CRY1: variants seen among roughly 807,000 people sequenced by gnomAD.
CRY1 encodes the protein cryptochrome circadian regulator 1, also known as cryptochrome-1.
CRY1 carries 45 observed loss-of-function variants against 76.0 expected under a neutral mutation model. That is an observed-to-expected ratio of 0.59 (90% confidence interval 0.47 to 0.76). The LOEUF is 0.76. Ranked by LOEUF, CRY1 falls within the 30% of genes least tolerant of loss-of-function variation. The pLI, the probability that CRY1 is intolerant of heterozygous loss-of-function variation, is 0.00. For synonymous variants in CRY1, 248 were observed against 244.0 expected, an observed-to-expected ratio of 1.02 and a Z score of -0.15; for missense variants, 587 against 716.4, an observed-to-expected ratio of 0.82 and a Z score of 2.06.
Position 107,000,491 on chromosome 12 carries a change from A to G in CRY1, c.685-409T>C, listed in dbSNP as rs547142966. ...CAGCCTCCTGAGTAGCTGCGACTACAGGCATGCGCCACCACGCCCGGCTAA... is the reference window on the plus strand; with the variant it reads ...CAGCCTCCTGAGTAGCTGCGACTACGGGCATGCGCCACCACGCCCGGCTAA... On this transcript the variant is annotated intron_variant, in intron 5 of 12. Transcript: ENST00000008527. Among the ~76,000 whole-genome samples, 25 of 152,132 alleles carry G rather than the reference A, an allele frequency of 1.6e-4. 1 individual carries two copies. Among genetic ancestry groups the G allele is most frequent in the African/African-American group, 6.0e-4 (25 of 41,504 alleles).
intron 10 of CRY1, among the ~76,000 whole-genome samples, chr12:106,994,656 A>G (rs1007326734): frequency 5.9e-5 from 9 of 152,248 alleles, no homozygotes; most frequent in African/African-American, 2.2e-4. Context: ...TTAACCTGCT[A>G]CTATGATTAG....
chr12:107,050,728 G>A (rs1952908297), intron 1 of CRY1, among the ~76,000 whole-genome samples: 1 of 152,186 alleles, frequency 6.6e-6, no homozygotes, highest in Admixed American at 6.6e-5. Flanking sequence ...AGGAAGAAAG[G>A]CTGACAGAAA....
At chr12:107,032,821 TTA>T (rs1952694056) in intron 1 of CRY1, among the ~76,000 whole-genome samples, 1 of 152,172 alleles carries the variant, frequency 6.6e-6, no homozygotes, top group Admixed American at 6.6e-5. Context: ...TTGGTATCAT[TTA>T]TATGTTTTGA....
chr12:107,071,012 CTTA>C (rs1361068888), intron 1 of CRY1, among the ~76,000 whole-genome samples: 6 of 151,884 alleles, frequency 4.0e-5, no homozygotes, highest in Non-Finnish European at 7.4e-5. Context: ...CCTGGATTCT[CTTA>C]TTATTAATAG....
chr12:107,044,244 A>G (rs888855959), intron 1 of CRY1, among the ~76,000 whole-genome samples: 12 of 152,206 alleles, frequency 7.9e-5, no homozygotes, highest in Non-Finnish European at 1.2e-4. Flanking sequence ...AGACCTGACA[A>G]TAAGAGGAAT....
At chr12:107,082,434 A>AC (rs1953338640) in intron 1 of CRY1, among the ~76,000 whole-genome samples, 1 of 152,058 alleles carries the variant, frequency 6.6e-6, no homozygotes, top group Non-Finnish European at 1.5e-5. Flanking sequence ...AAAATTGACC[A>AC]ATAATTGGAA....
intron 2 of CRY1, 107 bp from the exon 3 acceptor site, chr12:107,005,355 TAAATC>T: frequency 8.4e-7 from 1 of 1,191,210 alleles, no homozygotes; most frequent in Non-Finnish European, 1.1e-6. Context: ...GGATTATACA[TAAATC>T]AAACTTTGAA....
Position 107,076,606 on chromosome 12 carries a change from C to A in CRY1, c.158+16198G>T, listed in dbSNP as rs573968179. 2.7e-5 allele frequency among the ~76,000 whole-genome samples: 4 copies of A among 145,512 alleles called. No individual in the cohort carries two copies. In the South Asian group the frequency reaches 6.6e-4, roughly 24 times the overall value. On this transcript the variant is annotated intron_variant, in intron 1 of 12. Coordinates refer to ENST00000008527, the MANE Select transcript of CRY1 (RefSeq NM_004075.5). ...CTCCAGCCTGCGTGACAAAATGAGA[C>A]CCTGCCTCAAAGAAAAAAAAAAAAA... is the stretch of plus-strand genomic sequence containing the variant.
chr12:106,992,860 C>G lies in CRY1; in HGVS notation c.1688G>C (p.Gly563Ala). 1 of 1,614,010 alleles carries G rather than the reference C, an allele frequency of 6.2e-7. No homozygotes were observed. ...CTCTTCCTGACTAGGACGTTTCCCA[C>G]CACTGAGACCAGTGCCCATGGAGCT... ...GRSSMGTGLSGGKRPSQEEDT... is the reference protein window; with the variant it reads ...GRSSMGTGLSAGKRPSQEEDT... The change falls in exon 12 of 13, where the codon GGT (glycine) becomes GCT (alanine). Residue 563 changes from glycine to alanine, a missense_variant. Coordinates refer to ENST00000008527, the MANE Select transcript of CRY1 (RefSeq NM_004075.5).
chr12:107,008,116 G>T (rs865826228), intron 2 of CRY1, among the ~76,000 whole-genome samples: 1 of 152,086 alleles, frequency 6.6e-6, no homozygotes, highest in Non-Finnish European at 1.5e-5. Flanking sequence ...CCTATAAAAC[G>T]TATCACATAG....
intron 1 of CRY1, among the ~76,000 whole-genome samples, chr12:107,048,084 C>G (rs1240597501): frequency 1.1e-5 from 1 of 88,846 alleles, no homozygotes; most frequent in East Asian, 8.8e-4. Context: ...AGTATCCATT[C>G]AGATTTTTTT....
At chr12:107,045,974 A>C (rs1194777160) in intron 1 of CRY1, among the ~76,000 whole-genome samples, 2 of 152,074 alleles carry the variant, frequency 1.3e-5, no homozygotes, top group African/African-American at 4.8e-5. Flanking sequence ...AAAAAATACA[A>C]AAATTAGCTA....
intron 1 of CRY1, among the ~76,000 whole-genome samples, chr12:107,054,804 T>C (rs897918356): frequency 2.0e-5 from 3 of 152,012 alleles, no homozygotes; most frequent in African/African-American, 7.2e-5. Flanking sequence ...CATCTAAATA[T>C]ATACATATTT....
chr12:107,047,509 T>C (rs1197902629), intron 1 of CRY1, among the ~76,000 whole-genome samples: 3 of 152,162 alleles, frequency 2.0e-5, no homozygotes, highest in African/African-American at 2.4e-5. Context: ...TGGAAGGTAA[T>C]TGAATCATGG....
chr12:107,057,493 C>T (rs1211169640), intron 1 of CRY1, among the ~76,000 whole-genome samples: 1 of 152,136 alleles, frequency 6.6e-6, no homozygotes, highest in Non-Finnish European at 1.5e-5. Flanking sequence ...AAAGTTTTCT[C>T]ACAAACCCAC....
intron 1 of CRY1, among the ~76,000 whole-genome samples, chr12:107,041,617 T>C (rs1210672507): frequency 6.6e-6 from 1 of 152,186 alleles, no homozygotes; most frequent in Non-Finnish European, 1.5e-5. Context: ...CCAAAAATCA[T>C]GTATAAAATA....
Position 106,993,035 on chromosome 12 carries a change from A to G in CRY1, c.1587T>C (p.Ser529=). Residue 529 remains serine, a splice_region_variant and synonymous_variant, in exon 11 of 13, where the codon AGT becomes AGC. Transcript: ENST00000008527. ...ENIPGCSSSG[S]CSQGSGILHY... ...GTAAAATACCACTCCCTTGAGAGCA[A>G]CCTGTTAGTATTTAAAACACAGTAA... 1 of 1,613,868 alleles carries G rather than the reference A, an allele frequency of 6.2e-7. No individual in the cohort carries two copies. Among genetic ancestry groups the G allele is most frequent in the Non-Finnish European group, 8.5e-7 (1 of 1,179,790 alleles).
chr12:107,001,481 T>C, intron 4 of CRY1, 113 bp from the exon 5 acceptor site: 1 of 907,866 alleles, frequency 1.1e-6, no homozygotes, highest in Non-Finnish European at 1.7e-6. Context: ...ACCATAAAAA[T>C]GAACTGAAGG....
intron 1 of CRY1, among the ~76,000 whole-genome samples, chr12:107,066,336 T>C (rs1359902378): frequency 6.6e-6 from 1 of 152,268 alleles, no homozygotes; most frequent in Non-Finnish European, 1.5e-5. Context: ...GTACATAATA[T>C]GATCCCATCT....
Sources: allele counts gnomAD v4.1 joint callset (sites outside exome capture counted in the v4.1 genomes callset), GRCh38; gene constraint gnomAD v4.1.1; transcripts MANE v1.5; gene names NCBI Gene and HGNC (gene_info 2026-07-23, HGNC 2026-07-21).